The following GABRB3 variants were observed in gnomAD, a reference collection of about 807,000 sequenced individuals.
GABRB3 encodes the protein gamma-aminobutyric acid type A receptor subunit beta3.
Under a neutral mutation model 52.1 loss-of-function variants are expected in GABRB3, and 14 were observed. The ratio of observed to expected loss-of-function variants is 0.27; its 90% CI spans 0.18 to 0.42. The LOEUF (loss-of-function observed/expected upper bound fraction) is 0.42. Among genes scored for constraint, GABRB3 ranks in the 10% least tolerant of loss-of-function variants. The pLI, the probability that GABRB3 is intolerant of heterozygous loss-of-function variation, is 1.00. For missense variants in GABRB3, 307 were observed against 609.1 expected, an observed-to-expected ratio of 0.50 and a Z score of 5.22; for synonymous variants, 260 against 232.3, an observed-to-expected ratio of 1.12 and a Z score of -1.08.
intron 7 of GABRB3, among the ~76,000 whole-genome samples, chr15:26,561,983 T>C (rs1212123289): frequency 6.6e-6 from 1 of 152,226 alleles, no homozygotes; most frequent in Admixed American, 6.5e-5. Context: ...CTTTACATAG[T>C]ATTGTATGGA....
intron 4 of GABRB3, among the ~76,000 whole-genome samples, chr15:26,608,130 A>G (rs1891913596): frequency 6.6e-6 from 1 of 150,584 alleles, no homozygotes; most frequent in East Asian, 1.9e-4. Context: ...CACATCCGCC[A>G]ATGAAATAGA....
chr15:26,722,351 T>C (rs1329238096), intron 3 of GABRB3, among the ~76,000 whole-genome samples: 2 of 152,136 alleles, frequency 1.3e-5, no homozygotes, highest in Admixed American at 6.5e-5. Flanking sequence ...AGAGAGAGAA[T>C]TTGAGAATGC....
At chr15:26,773,119 G>C (rs1442436791), upstream of GABRB3, 1 of 696,308 alleles carries the variant, frequency 1.4e-6, no homozygotes, top group Non-Finnish European at 1.8e-6. Flanking sequence ...AGGAGCGGGC[G>C]CTGGGAGAGG....
At chr15:26,629,190 C>G in intron 3 of GABRB3, 1 of 1,458,312 alleles carries the variant, frequency 6.9e-7, no homozygotes, top group Non-Finnish European at 9.0e-7. Context: ...AGACGGAGGG[C>G]TTTGCGAAGC....
chr15:26,740,485 G>A (rs897571797), intron 3 of GABRB3, among the ~76,000 whole-genome samples: 1 of 151,942 alleles, frequency 6.6e-6, no homozygotes, highest in Non-Finnish European at 1.5e-5. Context: ...CAGGAGAAAT[G>A]GCTGAAGGAG....
chr15:26,608,641 C>A (rs1223436599), intron 4 of GABRB3, among the ~76,000 whole-genome samples: 1 of 151,658 alleles, frequency 6.6e-6, no homozygotes, highest in Non-Finnish European at 1.5e-5. Flanking sequence ...GGAGAAGGAA[C>A]CTAAAGAGAC....
At position 26,681,482 on chromosome 15, in the gene GABRB3, C is replaced by A. The variant is rs577343429; in HGVS notation, c.241-59948G>T. ...GCTAAGGTATGCAAAGTCAGAGCACCCAGGAAAAGTCCCTTTGTCCCTCCT... is the reference window on the plus strand; with the variant it reads ...GCTAAGGTATGCAAAGTCAGAGCACACAGGAAAAGTCCCTTTGTCCCTCCT... On this transcript the variant is annotated intron_variant, in intron 3 of 8. Transcript: ENST00000311550. Among the ~76,000 whole-genome samples the A allele has an allele frequency of 2.0e-4, 30 of 152,206 alleles. No homozygotes were observed. In the South Asian group the frequency reaches 6.0e-3, roughly 31 times the overall value.
chr15:26,548,753 T>G (rs940182922), intron 8 of GABRB3, among the ~76,000 whole-genome samples: 1 of 152,190 alleles, frequency 6.6e-6, no homozygotes, highest in African/African-American at 2.4e-5. Flanking sequence ...CTTCCCACAA[T>G]GGAGCCAAAC....
At chr15:26,555,139 G>A (rs926705389) in intron 8 of GABRB3, among the ~76,000 whole-genome samples, 1 of 152,090 alleles carries the variant, frequency 6.6e-6, no homozygotes, top group African/African-American at 2.4e-5. Flanking sequence ...AGCTGAGATC[G>A]CGCCACTGCA....
chr15:26,692,365 G>C (rs985677664), intron 3 of GABRB3, among the ~76,000 whole-genome samples: 1 of 152,026 alleles, frequency 6.6e-6, no homozygotes, highest in Non-Finnish European at 1.5e-5. Context: ...ACCTTTTCTT[G>C]GTGGCAGCAG....
At chr15:26,731,886 G>A (rs1244335933) in intron 3 of GABRB3, among the ~76,000 whole-genome samples, 2 of 89,992 alleles carry the variant, frequency 2.2e-5, no homozygotes, top group South Asian at 8.9e-4. Flanking sequence ...ATGATATCTG[G>A]GTACTGATGT....
At chr15:26,773,091 G>A (rs1450262631), upstream of GABRB3, 35 of 961,192 alleles carry the variant, frequency 3.6e-5, no homozygotes, top group Middle Eastern at 4.7e-4. Flanking sequence ...GAGGGCGGAG[G>A]GGGAGGGGAG....
chr15:26,677,161 G>C (rs1888094970), intron 3 of GABRB3, among the ~76,000 whole-genome samples: 1 of 152,128 alleles, frequency 6.6e-6, no homozygotes, highest in Non-Finnish European at 1.5e-5. Flanking sequence ...AAGTCCTTTA[G>C]ATCAAAAGGG....
intron 7 of GABRB3, among the ~76,000 whole-genome samples, chr15:26,562,234 A>T (rs1890017362): frequency 6.6e-6 from 1 of 152,164 alleles, no homozygotes; most frequent in South Asian, 2.1e-4. Context: ...ACTGCAGCTG[A>T]CGCGCTCTCT....
At chr15:26,588,205 CAA>C (rs1015253187) in intron 4 of GABRB3, among the ~76,000 whole-genome samples, 6 of 152,078 alleles carry the variant, frequency 3.9e-5, no homozygotes, top group Admixed American at 1.3e-4. Context: ...AAAAAGTCGA[CAA>C]AGAGACAGAG....
chr15:26,754,741 C>T (rs1336003475), intron 3 of GABRB3, among the ~76,000 whole-genome samples: 1 of 152,088 alleles, frequency 6.6e-6, no homozygotes, highest in Admixed American at 6.5e-5. Context: ...CATTGCACTC[C>T]AACAAAGATC....
intron 8 of GABRB3, among the ~76,000 whole-genome samples, chr15:26,554,364 A>G (rs1425184759): frequency 6.6e-6 from 1 of 150,728 alleles, no homozygotes; most frequent in Non-Finnish European, 1.5e-5. Context: ...TTTTCTAGTG[A>G]TAACATATAA....
chr15:26,604,234 A>C (rs1442874159), intron 4 of GABRB3, among the ~76,000 whole-genome samples: 1 of 152,142 alleles, frequency 6.6e-6, no homozygotes, highest in Non-Finnish European at 1.5e-5. Flanking sequence ...TCTGCAATGA[A>C]AATTATAAAA....
rs548657158 is a variant in GABRB3 at position 26,611,099 on chromosome 15, G to C, written c.461+10215C>G. The stretch of plus-strand genomic sequence containing the variant: ...CATAGGTGAACACCTGATATTCACA[G>C]ACTATTTTAAAAAATGGCGAACAAG... On this transcript the variant is annotated intron_variant, in intron 4 of 8. Coordinates refer to ENST00000311550, the MANE Select transcript of GABRB3 (RefSeq NM_000814.6). Among the ~76,000 whole-genome samples the C allele has an allele frequency of 2.0e-5, 3 of 152,204 alleles. No homozygotes were observed. The South Asian group carries it at 6.2e-4, about 32-fold the overall frequency.
Sources: gnomAD v4.1 joint callset for allele counts (sites outside exome capture counted in the v4.1 genomes callset) on GRCh38, gnomAD v4.1.1 for gene constraint, MANE v1.5 for transcripts, NCBI Gene and HGNC (gene_info 2026-07-23, HGNC 2026-07-21) for gene names.